CSMD2: variants seen among roughly 807,000 people sequenced by gnomAD.
The protein encoded by CSMD2 is CUB and Sushi multiple domains 2.
CSMD2 carries 130 observed loss-of-function variants against 398.5 expected under a neutral mutation model. That is an observed-to-expected ratio of 0.33 (90% CI 0.28 to 0.38). The LOEUF is 0.38. CSMD2 is among the 10% of genes least tolerant of loss of function. The probability of loss-of-function intolerance (pLI) is 1.00; values close to 1 mark genes in which losing one functional copy is unlikely to be tolerated. For synonymous variants in CSMD2, 1,828 were observed against 1,908.5 expected, an observed-to-expected ratio of 0.96 and a Z score of 1.10; for missense variants, 3,829 against 4,764.9, an observed-to-expected ratio of 0.80 and a Z score of 5.78.
At chr1:34,073,859 G>C (rs1656015000) in intron 2 of CSMD2, among the ~76,000 whole-genome samples, 1 of 152,206 alleles carries the variant, frequency 6.6e-6, no homozygotes, top group Non-Finnish European at 1.5e-5. Context: ...TTGGCTCACA[G>C]TCCCACTGGC....
intron 25 of CSMD2, among the ~76,000 whole-genome samples, chr1:33,672,241 G>A (rs769822517): frequency 1.3e-5 from 2 of 152,196 alleles, no homozygotes; most frequent in African/African-American, 2.4e-5. Flanking sequence ...GGTGACAGAC[G>A]GCACCTGGAA....
At chr1:34,036,688 G>A (rs985452201) in intron 2 of CSMD2, among the ~76,000 whole-genome samples, 2 of 152,150 alleles carry the variant, frequency 1.3e-5, no homozygotes, top group African/African-American at 4.8e-5. Flanking sequence ...GGTTTTGAGA[G>A]TGTGCTATAG....
chr1:33,881,326 ATAAG>A (rs1342763053), intron 5 of CSMD2, among the ~76,000 whole-genome samples: 2 of 152,218 alleles, frequency 1.3e-5, no homozygotes, highest in Non-Finnish European at 2.9e-5. Context: ...CAGCTACTAA[ATAAG>A]TAATTATTAA....
chr1:34,000,163 C>T (rs532342902), intron 3 of CSMD2, among the ~76,000 whole-genome samples: 2 of 152,038 alleles, frequency 1.3e-5, no homozygotes, highest in African/African-American at 2.4e-5. Context: ...AGACCTTCAG[C>T]GAAATTTTCT....
At chr1:33,788,281 G>A (rs1653783361) in intron 12 of CSMD2, among the ~76,000 whole-genome samples, 1 of 152,062 alleles carries the variant, frequency 6.6e-6, no homozygotes, top group African/African-American at 2.4e-5. Context: ...GCTGAGGCAG[G>A]TGGGTCATTT....
At chr1:34,029,239 C>T (rs1195823365) in intron 3 of CSMD2, among the ~76,000 whole-genome samples, 2 of 152,162 alleles carry the variant, frequency 1.3e-5, no homozygotes, top group Non-Finnish European at 2.9e-5. Context: ...TCCAAGGGGA[C>T]TCTGCAATGG....
Position 33,693,049 on chromosome 1 carries a change from A to G in CSMD2, c.3933T>C (p.Cys1311=). ...DRPLPTCVAE[C]GGTVRGEVSG... Reference sequence around the variant, plus strand: ...ACACCTCTCCTCTCACTGTCCCTCCACACTCGGCTGAAAGAAATCCCAAAA... The same window carrying G: ...ACACCTCTCCTCTCACTGTCCCTCCGCACTCGGCTGAAAGAAATCCCAAAA... Residue 1311 remains cysteine, a synonymous_variant, in exon 25 of 71, where the codon TGT becomes TGC. Coordinates refer to ENST00000373381, the MANE Select transcript of CSMD2 (RefSeq NM_001281956.2). 1 of 1,594,582 alleles carries G rather than the reference A, an allele frequency of 6.3e-7. No individual in the cohort carries two copies. Among genetic ancestry groups the G allele is most frequent in the South Asian group, 1.1e-5 (1 of 87,768 alleles).
intron 53 of CSMD2, among the ~76,000 whole-genome samples, chr1:33,561,989 A>G (rs529113022): frequency 6.6e-6 from 1 of 152,292 alleles, no homozygotes; most frequent in East Asian, 1.9e-4. Context: ...CCTTGGGAAT[A>G]CCACTTTTTG....
rs146678014 is a variant in CSMD2, at chr1:33,619,266, G to A, written c.5828-1649C>T. ...TGGGTGGCATGGCCCAGAGAATGTG[G>A]GAGATGGCAGCCTTGGCCCTTCTGG... On this transcript the variant is annotated intron_variant, in intron 37 of 70. Coordinates refer to ENST00000373381, the MANE Select transcript of CSMD2 (RefSeq NM_001281956.2). 3.3e-3 allele frequency among the ~76,000 whole-genome samples: 500 copies of A among 152,342 alleles called. 2 individuals are homozygous for A. The highest frequency in any genetic ancestry group is 0.012 in the African/African-American group (480 of 41,582).
chr1:34,133,783 C>T (rs1457064603), intron 1 of CSMD2, among the ~76,000 whole-genome samples: 5 of 151,670 alleles, frequency 3.3e-5, no homozygotes, highest in Non-Finnish European at 7.4e-5. Flanking sequence ...ATATAAAACT[C>T]GGGCAGGCTG....
intron 4 of CSMD2, among the ~76,000 whole-genome samples, chr1:33,924,539 CCTTTG>C (rs1644058293): frequency 6.6e-6 from 1 of 152,132 alleles, no homozygotes; most frequent in Non-Finnish European, 1.5e-5. Context: ...GATTTCCTTT[CCTTTG>C]GATAAATACT....
intron 55 of CSMD2, among the ~76,000 whole-genome samples, chr1:33,555,749 T>A (rs1423683582): frequency 6.6e-6 from 1 of 152,252 alleles, no homozygotes; most frequent in Non-Finnish European, 1.5e-5. Context: ...AAAGTATTTT[T>A]AATTAAGGTG....
intron 2 of CSMD2, among the ~76,000 whole-genome samples, chr1:34,079,036 G>A (rs544170666): frequency 3.3e-5 from 5 of 152,046 alleles, no homozygotes; most frequent in South Asian, 4.2e-4. Context: ...CTTGCCCCAC[G>A]GTCGCCAGTC....
At position 33,611,021 on chromosome 1, in the gene CSMD2, G is replaced by A. The variant is rs763743207; in HGVS notation, c.6343+20C>T. On this transcript the variant is annotated intron_variant, in intron 41 of 70. Transcript: ENST00000373381. ...GATGGAGATAGACAGAGAAGCAAAG[G>A]CGGTGCTCCTTGTCCTTACCCTGAT... The A allele has an allele frequency of 7.5e-6, 12 of 1,608,824 alleles. No individual in the cohort carries two copies. The highest frequency in any genetic ancestry group is 9.3e-6 in the Non-Finnish European group (11 of 1,176,682).
At chr1:34,165,251 CG>C (rs1339478767), upstream of CSMD2, 8 of 1,181,478 alleles carry the variant, frequency 6.8e-6, no homozygotes, top group Non-Finnish European at 8.4e-6. Context: ...TCCGCCCGGC[CG>C]GGGAGAGGCG....
chr1:34,130,825 C>T (rs1663270289), intron 1 of CSMD2, among the ~76,000 whole-genome samples: 3 of 152,060 alleles, frequency 2.0e-5, no homozygotes, highest in Admixed American at 6.5e-5. Flanking sequence ...TCTTGGAGCC[C>T]GTTTTCAAGG....
At chr1:33,938,684 C>G (rs1207419170) in intron 3 of CSMD2, among the ~76,000 whole-genome samples, 1 of 118,846 alleles carries the variant, frequency 8.4e-6, no homozygotes, top group South Asian at 2.8e-4. Flanking sequence ...GCTGACTTAC[C>G]TGGTGTTTCC....
intron 4 of CSMD2, among the ~76,000 whole-genome samples, chr1:33,920,519 G>A (rs1570507628): frequency 8.1e-6 from 1 of 123,626 alleles, no homozygotes; most frequent in East Asian, 2.3e-4. Flanking sequence ...TCCAGCCAGG[G>A]CAATAAGAGC....
chr1:33,702,798 G>T (rs889516516), intron 22 of CSMD2, among the ~76,000 whole-genome samples: 2 of 152,062 alleles, frequency 1.3e-5, no homozygotes, highest in African/African-American at 4.8e-5. Context: ...GGCTCACTCA[G>T]TAAATGTATG....
Sources: allele counts gnomAD v4.1 joint callset (sites outside exome capture counted in the v4.1 genomes callset), GRCh38; gene constraint gnomAD v4.1.1; transcripts MANE v1.5; gene names NCBI Gene and HGNC (gene_info 2026-07-23, HGNC 2026-07-21).